The following COL5A2 variants were observed in gnomAD, a reference collection of about 807,000 sequenced individuals.
COL5A2 encodes collagen alpha-2(V) chain.
In COL5A2, 23 loss-of-function variants were observed where a neutral mutation model predicts 208.2. The ratio of observed to expected loss-of-function variants is 0.11; its 90% confidence interval spans 0.08 to 0.16. The LOEUF (loss-of-function observed/expected upper bound fraction) is 0.16, where lower values mean the gene tolerates loss of function less well. Ranked by LOEUF, COL5A2 falls within the 10% of genes least tolerant of loss-of-function variation. The pLI is 1.00. For missense variants in COL5A2, 1,590 were observed against 1,956.4 expected, an observed-to-expected ratio of 0.81 and a Z score of 3.53; for synonymous variants, 625 against 628.5, an observed-to-expected ratio of 0.99 and a Z score of 0.08.
the COL5A2 span, among the ~76,000 whole-genome samples, chr2:189,244,343 G>A: frequency 3.9e-5 from 6 of 152,132 alleles, no homozygotes; most frequent in Non-Finnish European, 8.8e-5. Flanking sequence ...TGAATGCTTT[G>A]CTGCTTAGAA....
the COL5A2 span, among the ~76,000 whole-genome samples, chr2:189,342,783 T>A: frequency 6.6e-6 from 1 of 151,880 alleles, no homozygotes; most frequent in Non-Finnish European, 1.5e-5. Context: ...ACTTGGCAAG[T>A]AAGGACTTTA....
the COL5A2 span, among the ~76,000 whole-genome samples, chr2:189,250,790 A>G: frequency 6.6e-6 from 1 of 152,184 alleles, no homozygotes; most frequent in Non-Finnish European, 1.5e-5. Context: ...TTCTTTGAGA[A>G]AAGAAATAAT....
chr2:189,332,273 T>C, the COL5A2 span, among the ~76,000 whole-genome samples: 6 of 152,096 alleles, frequency 3.9e-5, no homozygotes, highest in Non-Finnish European at 7.4e-5. Flanking sequence ...ATAATGTGAG[T>C]GCTATCAACC....
chr2:189,392,417 A>T, the COL5A2 span, among the ~76,000 whole-genome samples: 1 of 152,318 alleles, frequency 6.6e-6, no homozygotes, highest in African/African-American at 2.4e-5. Context: ...TTTCACAATC[A>T]TATCAAATGA....
intron 1 of COL5A2, among the ~76,000 whole-genome samples, chr2:189,154,714 G>A (rs1176180370): frequency 2.0e-5 from 3 of 151,528 alleles, no homozygotes; most frequent in Non-Finnish European, 4.4e-5. Flanking sequence ...TTCCCACCTC[G>A]GCCACCCAAA....
chr2:189,236,235 C>A, the COL5A2 span, among the ~76,000 whole-genome samples: 1 of 151,654 alleles, frequency 6.6e-6, no homozygotes. Context: ...TAACCATGAG[C>A]ATGACTCTAG....
At chr2:189,224,592 G>A (rs1226361971) in intron 1 of COL5A2, among the ~76,000 whole-genome samples, 1 of 152,006 alleles carries the variant, frequency 6.6e-6, no homozygotes, top group Admixed American at 6.6e-5. Flanking sequence ...GGGAGGCTGA[G>A]GCAGGAGAAT....
At chr2:189,383,460 G>A in the COL5A2 span, among the ~76,000 whole-genome samples, 1 of 152,058 alleles carries the variant, frequency 6.6e-6, no homozygotes, top group Non-Finnish European at 1.5e-5. Context: ...GTAAACTTGG[G>A]TGTCAAGGCT....
the COL5A2 span, among the ~76,000 whole-genome samples, chr2:189,418,301 G>A: frequency 6.6e-6 from 1 of 152,152 alleles, no homozygotes; most frequent in South Asian, 2.1e-4. Flanking sequence ...ATGGGGATAT[G>A]ATAAGAAAAT....
chr2:189,415,091 A>C, the COL5A2 span, among the ~76,000 whole-genome samples: 1 of 152,158 alleles, frequency 6.6e-6, no homozygotes, highest in African/African-American at 2.4e-5. Flanking sequence ...TAAAAACTTA[A>C]TTATTTTCCA....
At chr2:189,266,654 T>A in the COL5A2 span, among the ~76,000 whole-genome samples, 1 of 151,828 alleles carries the variant, frequency 6.6e-6, no homozygotes, top group East Asian at 1.9e-4. Context: ...GGGAATAGGG[T>A]GTGTTTTGGG....
chr2:189,425,505 T>C, the COL5A2 span, among the ~76,000 whole-genome samples: 1 of 152,206 alleles, frequency 6.6e-6, no homozygotes, highest in African/African-American at 2.4e-5. Flanking sequence ...AATGAAATAC[T>C]ATGCAGCCAT....
the COL5A2 span, among the ~76,000 whole-genome samples, chr2:189,377,982 C>A: frequency 6.6e-6 from 1 of 152,194 alleles, no homozygotes; most frequent in Non-Finnish European, 1.5e-5. Flanking sequence ...CACCCTACAG[C>A]TGAGAAAATT....
chr2:189,157,671 T>A (rs766413919), intron 1 of COL5A2, among the ~76,000 whole-genome samples: 3 of 151,974 alleles, frequency 2.0e-5, no homozygotes, highest in Non-Finnish European at 2.9e-5. Context: ...AAAAATAAAA[T>A]GTGGGCTAAT....
At chr2:189,294,124 T>C in the COL5A2 span, among the ~76,000 whole-genome samples, 3 of 149,654 alleles carry the variant, frequency 2.0e-5, no homozygotes, top group African/African-American at 7.4e-5. Context: ...ACCCAGGTTA[T>C]GGTAGTCTAT....
rs769080896 is a variant in COL5A2, at chr2:189,039,470, T to A, written c.3727A>T (p.Ser1243Cys). 1.9e-6 allele frequency: 3 copies of A among 1,614,080 alleles called. No homozygotes were observed. The highest frequency in any genetic ancestry group is 2.5e-6 in the Non-Finnish European group (3 of 1,180,010). ...LGDIMGHYDE[S>C]MPDPLPEFTE... is the part of the protein sequence containing the mutation. ...AACTCAGGAAGTGGATCTGGCATGC[T>A]TTCATCATAGTGCCCCATGATATCC... The change falls in exon 51 of 54, where the codon AGC (serine) becomes TGC (cysteine). Residue 1243 changes from serine (S) to cysteine (C), a missense_variant. Transcript: ENST00000374866.
chr2:189,210,005 G>GA (rs998244348), intron 1 of COL5A2, among the ~76,000 whole-genome samples: 12 of 152,214 alleles, frequency 7.9e-5, no homozygotes, highest in African/African-American at 2.9e-4. Context: ...GGAAGCTAGG[G>GA]AAAAAGAGTG....
At chr2:189,074,816 T>G (rs1686368001) in intron 17 of COL5A2, among the ~76,000 whole-genome samples, 1 of 152,216 alleles carries the variant, frequency 6.6e-6, no homozygotes, top group Non-Finnish European at 1.5e-5. Flanking sequence ...TCTTTGTAAT[T>G]TCTTTCTGGA....
chr2:189,034,138 C>T lies in COL5A2; in HGVS notation c.4432G>A (p.Ala1478Thr). The T allele has an allele frequency of 6.2e-7, 1 of 1,614,006 alleles. No individual in the cohort carries two copies. The highest frequency in any genetic ancestry group is 8.5e-7 in the Non-Finnish European group (1 of 1,179,934). ...TCTGTGCCGCCAACATCCACAGGAG[C>T]AAGATCTATGATGGGCAAGCGTGCC... Reference protein sequence around the residue: ...NVARLPIIDLAPVDVGGTDQE... With the variant: ...NVARLPIIDLTPVDVGGTDQE... Residue 1478 changes from alanine to threonine, a missense_variant, in exon 54 of 54, where the codon GCT becomes ACT. By Grantham distance (58) the Ala-to-Thr change is moderately conservative. Coordinates refer to ENST00000374866, the MANE Select transcript of COL5A2 (RefSeq NM_000393.5).
Sources: gnomAD v4.1 joint callset for allele counts (sites outside exome capture counted in the v4.1 genomes callset) on GRCh38, gnomAD v4.1.1 for gene constraint, MANE v1.5 for transcripts, NCBI Gene and HGNC (gene_info 2026-07-23, HGNC 2026-07-21) for gene names.